The following OSBPL3 variants were observed in gnomAD, a reference collection of about 807,000 sequenced individuals.
OSBPL3 encodes the protein oxysterol-binding protein-related protein 3.
Under a neutral mutation model 120.1 loss-of-function variants are expected in OSBPL3, and 65 were observed. The ratio of observed to expected loss-of-function variants is 0.54; its 90% CI spans 0.44 to 0.67. OSBPL3 has a LOEUF of 0.67. OSBPL3 is among the 30% of genes least tolerant of loss of function. OSBPL3 has a pLI of 0.00. For missense variants in OSBPL3, 1,004 were observed against 1,082.1 expected, an observed-to-expected ratio of 0.93 and a Z score of 1.01; for synonymous variants, 416 against 402.6, an observed-to-expected ratio of 1.03 and a Z score of -0.40.
chr7:24,801,703 T>C (rs762668871), intron 22 of OSBPL3, among the ~76,000 whole-genome samples: 5 of 152,252 alleles, frequency 3.3e-5, no homozygotes, highest in Non-Finnish European at 7.3e-5. Context: ...AAATACTGTT[T>C]ATGGCTGCTT....
At chr7:24,975,557 T>C (rs956473026) in intron 1 of OSBPL3, among the ~76,000 whole-genome samples, 2 of 152,188 alleles carry the variant, frequency 1.3e-5, no homozygotes, top group African/African-American at 4.8e-5. Context: ...TTACTATAGA[T>C]AGGACACCAT....
chr7:24,910,974 T>A (rs1808742074), intron 1 of OSBPL3, among the ~76,000 whole-genome samples: 1 of 152,208 alleles, frequency 6.6e-6, no homozygotes, highest in Non-Finnish European at 1.5e-5. Context: ...ACACTGGGGA[T>A]GAGGCCAGGG....
rs1008963639 is a variant in OSBPL3 at position 24,808,149 on chromosome 7, C to A, written c.2318-1247G>T. On this transcript the variant is annotated intron_variant, in intron 20 of 22. Coordinates refer to ENST00000313367, the MANE Select transcript of OSBPL3 (RefSeq NM_015550.4). This position sits in a 1 kb window ranked among gnomAD's most constrained non-coding sequence, Gnocchi z 4.6. ...CTCCTGGCCTTAAACAATCTGCCTG[C>A]CTTGGCTTCCCAAAGTGCTGGGATT... Among the ~76,000 whole-genome samples the A allele has an allele frequency of 6.6e-6, 1 of 152,184 alleles. No homozygotes were observed. Among genetic ancestry groups the A allele is most frequent in the Non-Finnish European group, 1.5e-5 (1 of 68,028 alleles).
At chr7:24,870,569 C>T (rs1243727948) in intron 5 of OSBPL3, among the ~76,000 whole-genome samples, 163 bp downstream of exon 5, 1 of 152,158 alleles carries the variant, frequency 6.6e-6, no homozygotes, top group East Asian at 1.9e-4. Context: ...CAGTCCTGCA[C>T]AATGACGTCC....
intron 2 of OSBPL3, among the ~76,000 whole-genome samples, chr7:24,885,975 C>T (rs958806325): frequency 2.6e-5 from 4 of 152,190 alleles, no homozygotes; most frequent in African/African-American, 9.6e-5. Context: ...GAGGAAATTG[C>T]AATTACTCAT....
rs562316337 is a variant in OSBPL3 at position 24,953,615 on chromosome 7, G to C, written c.-150+26271C>G. Among the ~76,000 whole-genome samples, 35 of 152,306 alleles carry C rather than the reference G, an allele frequency of 2.3e-4. No individual in the cohort carries two copies. The highest frequency in any genetic ancestry group is 8.4e-4 in the African/African-American group (35 of 41,562). On this transcript the variant is annotated intron_variant, in intron 1 of 22. Transcript: ENST00000313367. This position sits in a 1 kb window ranked among gnomAD's most constrained non-coding sequence, Gnocchi z 4.3. ...GTCAGATTGTATCAGTGATCAAACA[G>C]TTCAGACAGGGAAGGAAGCTTACTC...
At chr7:24,841,463 G>A (rs1261188691) in intron 13 of OSBPL3, among the ~76,000 whole-genome samples, 1 of 151,714 alleles carries the variant, frequency 6.6e-6, no homozygotes, top group Non-Finnish European at 1.5e-5. Context: ...TTGAGAGGCT[G>A]AGGCGGATGG....
rs1795004116 is a variant in OSBPL3, at chr7:24,820,561, G to T, written c.1885-323C>A. ...TAAAAATAAAAACGGAGACATGTGA[G>T]GACTGCTCATCCATAACATATAATC... On this transcript the variant is annotated intron_variant, in intron 16 of 22. Coordinates refer to ENST00000313367, the MANE Select transcript of OSBPL3 (RefSeq NM_015550.4). The surrounding 1 kb of genome is among the most constrained non-coding windows in gnomAD (Gnocchi z 4.6). Among the ~76,000 whole-genome samples, 1 of 152,120 alleles carries T rather than the reference G, an allele frequency of 6.6e-6. No individual in the cohort carries two copies. Among genetic ancestry groups the T allele is most frequent in the Non-Finnish European group, 1.5e-5 (1 of 68,020 alleles).
intron 1 of OSBPL3, among the ~76,000 whole-genome samples, chr7:24,973,294 A>G (rs891525305): frequency 1.3e-5 from 2 of 152,222 alleles, no homozygotes; most frequent in Non-Finnish European, 2.9e-5. Flanking sequence ...AGACAGCAAC[A>G]TAATTTTCAT....
At chr7:24,910,220 C>T (rs1018603477) in intron 1 of OSBPL3, among the ~76,000 whole-genome samples, 3 of 152,144 alleles carry the variant, frequency 2.0e-5, no homozygotes, top group Admixed American at 6.5e-5. Flanking sequence ...TCACCTTCTC[C>T]AGCAAGCCAG....
At position 24,965,179 on chromosome 7, in the gene OSBPL3, C is replaced by T. The variant is rs1344347305; in HGVS notation, c.-150+14707G>A. On this transcript the variant is annotated intron_variant, in intron 1 of 22. Transcript: ENST00000313367. The surrounding 1 kb of genome is among the most constrained non-coding windows in gnomAD (Gnocchi z 4.3). Reference sequence around the variant, plus strand: ...CATGAGCGAAAGGATTCTACATCTCCCTAATTTTGTTTTGTCTCAAAATCA... The same window carrying T: ...CATGAGCGAAAGGATTCTACATCTCTCTAATTTTGTTTTGTCTCAAAATCA... 7.2e-5 allele frequency among the ~76,000 whole-genome samples: 11 copies of T among 152,086 alleles called. No homozygotes were observed. The highest frequency in any genetic ancestry group is 2.7e-4 in the African/African-American group (11 of 41,402).
intron 13 of OSBPL3, 106 bp downstream of exon 13, chr7:24,842,173 G>T: frequency 1.7e-6 from 2 of 1,162,632 alleles, no homozygotes; most frequent in South Asian, 1.3e-5. Context: ...ACTACAAAGG[G>T]CAACTGAGTT....
At chr7:24,935,173 T>C (rs1355701709) in intron 1 of OSBPL3, among the ~76,000 whole-genome samples, 1 of 152,144 alleles carries the variant, frequency 6.6e-6, no homozygotes, top group Non-Finnish European at 1.5e-5. Flanking sequence ...GGCTTTTTAA[T>C]TGAAGAAATA....
chr7:24,840,159 G>A (rs1797555809), intron 14 of OSBPL3, among the ~76,000 whole-genome samples: 1 of 149,972 alleles, frequency 6.7e-6, no homozygotes, highest in Admixed American at 6.6e-5. Flanking sequence ...ATCCTAGGGG[G>A]TGGGGTCCAT....
chr7:24,828,611 A>AAG (rs1562785938), intron 16 of OSBPL3, among the ~76,000 whole-genome samples: 1 of 126,848 alleles, frequency 7.9e-6, no homozygotes. Flanking sequence ...TGTCTGAAAA[A>AAG]AAAAAAAAAA....
chr7:24,909,429 T>C (rs1291390761), intron 1 of OSBPL3, among the ~76,000 whole-genome samples: 2 of 152,158 alleles, frequency 1.3e-5, no homozygotes, highest in South Asian at 2.1e-4. Flanking sequence ...GAGGTGGTGA[T>C]AGCTGGACCC....
intron 1 of OSBPL3, among the ~76,000 whole-genome samples, chr7:24,903,232 C>T (rs182090355): frequency 1.3e-5 from 2 of 152,300 alleles, no homozygotes; most frequent in East Asian, 3.9e-4. Flanking sequence ...GTTCCTATGG[C>T]CACAGACATC....
In OSBPL3 at chr7:24,891,212, ATT is replaced by A. The variant is rs35524056; in HGVS notation, c.96+1163_96+1164del. ...CAATGACTAATTTTAGTCTTTTCTT[ATT>A]TTTTTTTTTTTTAATTCCAGAAGGA... is the stretch of plus-strand genomic sequence containing the variant. On this transcript the variant is annotated intron_variant, in intron 2 of 22. Coordinates refer to ENST00000313367, the MANE Select transcript of OSBPL3 (RefSeq NM_015550.4). This position sits in a 1 kb window ranked among gnomAD's most constrained non-coding sequence, Gnocchi z 4.1. Among the ~76,000 whole-genome samples, 48 of 146,814 alleles carry A rather than the reference ATT, an allele frequency of 3.3e-4. No individual in the cohort carries two copies. Among genetic ancestry groups the A allele is most frequent in the East Asian group, 1.4e-3 (7 of 5,032 alleles).
intron 10 of OSBPL3, among the ~76,000 whole-genome samples, chr7:24,860,032 A>T (rs951779526): frequency 6.6e-6 from 1 of 152,192 alleles, no homozygotes; most frequent in African/African-American, 2.4e-5. Flanking sequence ...TCTATGGTAC[A>T]ATATAAAAAC....
Sources: gnomAD v4.1 joint callset for allele counts (sites outside exome capture counted in the v4.1 genomes callset) on GRCh38, gnomAD v4.1.1 for gene constraint, Gnocchi (gnomAD v3.1) non-coding constraint, MANE v1.5 for transcripts, NCBI Gene and HGNC (gene_info 2026-07-23, HGNC 2026-07-21) for gene names.